Variants in TENM3 observed in about 807,000 individuals in gnomAD.
The protein encoded by TENM3 is teneurin transmembrane protein 3.
Under a neutral mutation model 255.1 loss-of-function variants are expected in TENM3, and 63 were observed. The observed-to-expected ratio is 0.25, with a 90% confidence interval of 0.20 to 0.30. TENM3 has a LOEUF of 0.30. Ranked by LOEUF, TENM3 falls within the 10% of genes least tolerant of loss-of-function variation. The probability of loss-of-function intolerance (pLI) is 1.00; values close to 1 mark genes in which losing one functional copy is unlikely to be tolerated. For missense variants in TENM3, 2,929 were observed against 3,461.1 expected (o/e 0.85, Z 3.86); for synonymous variants, 1,306 against 1,322.3 (o/e 0.99, Z 0.27).
At chr4:181,591,186 A>T in the TENM3 span, among the ~76,000 whole-genome samples, 6 of 152,334 alleles carry the variant, frequency 3.9e-5, no homozygotes, top group Admixed American at 2.6e-4. Context: ...TCCTCTATTC[A>T]CATATCAGAA....
In TENM3 at chr4:182,198,675, G is replaced by A. The variant is rs574171690; in HGVS notation, c.-76+53921G>A. Among the ~76,000 whole-genome samples, 177 of 152,332 alleles carry A rather than the reference G, an allele frequency of 1.2e-3. 2 individuals are homozygous for A. Among genetic ancestry groups the A allele is most frequent in the Middle Eastern group, 3.4e-3 (1 of 294 alleles). On this transcript the variant is annotated intron_variant, in intron 1 of 2. Transcript: ENST00000512480. ...TAGGTGCAGGCGACCATTTCCTGACGAGCAGGTGTCAGGTAGTGCGGAGTG... is the reference window on the plus strand; with the variant it reads ...TAGGTGCAGGCGACCATTTCCTGACAAGCAGGTGTCAGGTAGTGCGGAGTG...
chr4:182,156,818 C>T (rs1212572989), intron 1 of TENM3, among the ~76,000 whole-genome samples: 1 of 152,092 alleles, frequency 6.6e-6, no homozygotes, highest in Non-Finnish European at 1.5e-5. Flanking sequence ...CAAATCCAGC[C>T]CCACCTGTTT....
At chr4:181,451,754 G>A in the TENM3 span, among the ~76,000 whole-genome samples, 1 of 152,154 alleles carries the variant, frequency 6.6e-6, no homozygotes, top group Admixed American at 6.5e-5. Context: ...TGAAATGGAT[G>A]CAGAATACCT....
the TENM3 span, among the ~76,000 whole-genome samples, chr4:181,595,331 T>C: frequency 6.7e-6 from 1 of 148,754 alleles, no homozygotes; most frequent in South Asian, 2.1e-4. Context: ...CTTGGGAGGC[T>C]GAGGCATGAG....
chr4:182,776,629 G>A (rs1764711559), intron 24 of TENM3, among the ~76,000 whole-genome samples: 1 of 152,064 alleles, frequency 6.6e-6, no homozygotes, highest in Non-Finnish European at 1.5e-5. Flanking sequence ...ATAAGTAAGT[G>A]TGCACTTTTT....
At chr4:181,662,160 T>C in the TENM3 span, among the ~76,000 whole-genome samples, 1 of 152,218 alleles carries the variant, frequency 6.6e-6, no homozygotes, top group African/African-American at 2.4e-5. Context: ...CATGCCAGAA[T>C]GTATTTATTT....
chr4:182,536,250 A>G (rs1740301612), intron 3 of TENM3, among the ~76,000 whole-genome samples: 1 of 152,248 alleles, frequency 6.6e-6, no homozygotes, highest in African/African-American at 2.4e-5. Context: ...GGCACTGTCC[A>G]GAGAAAATCC....
intron 6 of TENM3, among the ~76,000 whole-genome samples, chr4:182,671,656 A>T (rs1055567453): frequency 6.6e-6 from 1 of 151,646 alleles, no homozygotes; most frequent in Admixed American, 6.6e-5. Context: ...TCTTTGGTTT[A>T]TATTTCTTTT....
At chr4:182,175,011 A>T (rs2149709928) in intron 1 of TENM3, among the ~76,000 whole-genome samples, 1 of 152,316 alleles carries the variant, frequency 6.6e-6, no homozygotes, top group East Asian at 1.9e-4. Flanking sequence ...AGTGTAATGA[A>T]CTTGCAATCT....
chr4:181,916,975 T>C, the TENM3 span, among the ~76,000 whole-genome samples: 1 of 152,200 alleles, frequency 6.6e-6, no homozygotes, highest in Non-Finnish European at 1.5e-5. Flanking sequence ...AAATTTAACA[T>C]GTTCCATTGG....
the TENM3 span, among the ~76,000 whole-genome samples, chr4:181,546,938 C>G: frequency 6.6e-6 from 1 of 152,032 alleles, no homozygotes; most frequent in Non-Finnish European, 1.5e-5. Context: ...GCTCTTGCTA[C>G]TTCACATTTC....
the TENM3 span, among the ~76,000 whole-genome samples, chr4:181,456,290 T>A: frequency 2.6e-5 from 4 of 151,960 alleles, no homozygotes; most frequent in African/African-American, 9.6e-5. Flanking sequence ...TGATCCCTGA[T>A]GTATAAAACC....
At chr4:181,886,092 ACTCAGG>A in the TENM3 span, among the ~76,000 whole-genome samples, 1 of 130,804 alleles carries the variant, frequency 7.6e-6, no homozygotes, top group African/African-American at 3.0e-5. Context: ...TCCCTCCATC[ACTCAGG>A]CTGAAATGCA....
chr4:182,503,478 T>A (rs1736518555), intron 3 of TENM3, among the ~76,000 whole-genome samples: 1 of 152,208 alleles, frequency 6.6e-6, no homozygotes. Context: ...ATTCATGAAA[T>A]GCACTTACTA....
chr4:181,522,969 G>A, the TENM3 span: 1 of 683,860 alleles, frequency 1.5e-6, no homozygotes, highest in Non-Finnish European at 2.8e-6. Flanking sequence ...TGAGATAAAG[G>A]AGATGGGTAG....
At chr4:181,865,965 C>A in the TENM3 span, among the ~76,000 whole-genome samples, 2 of 152,130 alleles carry the variant, frequency 1.3e-5, no homozygotes, top group African/African-American at 4.8e-5. Context: ...GTACAGAATA[C>A]GAATGGCTCT....
At chr4:182,280,699 T>C (rs1760323528) in intron 1 of TENM3, among the ~76,000 whole-genome samples, 1 of 152,176 alleles carries the variant, frequency 6.6e-6, no homozygotes, top group Non-Finnish European at 1.5e-5. Flanking sequence ...CTGTGCTGAT[T>C]ACATCTGTGC....
chr4:182,163,070 C>T (rs1218649329), intron 1 of TENM3, among the ~76,000 whole-genome samples: 2 of 152,142 alleles, frequency 1.3e-5, no homozygotes, highest in Non-Finnish European at 2.9e-5. Context: ...CAAGACGGCT[C>T]CATCCCTCAC....
At chr4:182,311,833 C>T (rs1479699080) in intron 1 of TENM3, among the ~76,000 whole-genome samples, 1 of 152,234 alleles carries the variant, frequency 6.6e-6, no homozygotes, top group Non-Finnish European at 1.5e-5. Flanking sequence ...GGCACACAGA[C>T]TTCCCAACTA....
Sources: allele counts gnomAD v4.1 joint callset (sites outside exome capture counted in the v4.1 genomes callset), GRCh38; gene constraint gnomAD v4.1.1; transcripts MANE v1.5; gene names NCBI Gene and HGNC (gene_info 2026-07-23, HGNC 2026-07-21).